CDIN1: variants seen among roughly 807,000 people sequenced by gnomAD.
CDIN1 encodes CDAN1 interacting nuclease 1.
In CDIN1, 33 loss-of-function variants were observed where a neutral mutation model predicts 45.3. That is an observed-to-expected ratio of 0.73 (90% confidence interval 0.55 to 0.97). CDIN1 has a LOEUF of 0.97. Among genes scored for constraint, CDIN1 ranks in the 50% least tolerant of loss-of-function variants. The pLI is 0.00. For synonymous variants in CDIN1, 118 were observed against 124.4 expected (o/e 0.95, Z 0.34); for missense variants, 303 against 339.4 (o/e 0.89, Z 0.84).
chr15:36,800,909 G>GTGTATATATA lies in CDIN1; in HGVS notation c.717-7414_717-7413insGTATATATAT, dbSNP rs1156514805. ...TGTGTGTGTGTGTGTGTGTGTGTGT[G>GTGTATATATA]TATATATATATATATATATATATAT... On this transcript the variant is annotated intron_variant, in intron 10 of 10. Coordinates refer to ENST00000566621, the MANE Select transcript of CDIN1 (RefSeq NM_001321759.2). Among the ~76,000 whole-genome samples, 122 of 22,358 alleles carry GTGTATATATA rather than the reference G, an allele frequency of 5.5e-3. 1 individual carries two copies. The highest frequency in any genetic ancestry group is 0.013 in the South Asian group (3 of 234). 14.7% of individuals were successfully genotyped at this position (22,358 alleles called of 152,430 possible).
Position 36,657,925 on chromosome 15 carries a change from T to C in CDIN1, c.346+20T>C. The stretch of plus-strand genomic sequence containing the variant: ...CTCCACGTGAGTTACCCTTTTTTCC[T>C]AATGGTACTCTTTTACTCCCTTCCC... On this transcript the variant is annotated intron_variant, in intron 5 of 10. Coordinates refer to ENST00000566621, the MANE Select transcript of CDIN1 (RefSeq NM_001321759.2). 1 of 1,587,012 alleles carries C rather than the reference T, an allele frequency of 6.3e-7. No individual in the cohort carries two copies. Among genetic ancestry groups the C allele is most frequent in the South Asian group, 1.1e-5 (1 of 88,518 alleles).
At chr15:36,803,035 A>G (rs941342700) in intron 10 of CDIN1, among the ~76,000 whole-genome samples, 1 of 151,864 alleles carries the variant, frequency 6.6e-6, no homozygotes, top group Non-Finnish European at 1.5e-5. Context: ...GCTAGCCCCA[A>G]CACCAAACAG....
chr15:36,681,706 G>A (rs1025738911), intron 5 of CDIN1, among the ~76,000 whole-genome samples: 1 of 152,172 alleles, frequency 6.6e-6, no homozygotes, highest in African/African-American at 2.4e-5. Flanking sequence ...ACATTAGAGT[G>A]CTTATAAGTA....
intron 1 of CDIN1, among the ~76,000 whole-genome samples, chr15:36,632,082 G>C (rs2039702272): frequency 6.6e-6 from 1 of 152,116 alleles, no homozygotes; most frequent in South Asian, 2.1e-4. Flanking sequence ...TGATTCTCCT[G>C]CCTCAGCCTC....
At chr15:36,787,989 T>C (rs747555074) in intron 10 of CDIN1, among the ~76,000 whole-genome samples, 2 of 148,978 alleles carry the variant, frequency 1.3e-5, no homozygotes, top group Non-Finnish European at 1.5e-5. Flanking sequence ...AATTGTGAAA[T>C]TGAACTAAGA....
At chr15:36,729,268 C>T (rs950286632) in intron 10 of CDIN1, among the ~76,000 whole-genome samples, 3 of 151,854 alleles carry the variant, frequency 2.0e-5, no homozygotes, top group Non-Finnish European at 4.4e-5. Flanking sequence ...TTCTTGGTTT[C>T]GAGACTCTCC....
intron 1 of CDIN1, among the ~76,000 whole-genome samples, chr15:36,631,046 G>C (rs2039658303): frequency 6.6e-6 from 1 of 152,178 alleles, no homozygotes; most frequent in Non-Finnish European, 1.5e-5. Flanking sequence ...AACTATAGCG[G>C]ATGCCTACCA....
chr15:36,741,119 G>A (rs2044222416), intron 10 of CDIN1, among the ~76,000 whole-genome samples: 1 of 152,068 alleles, frequency 6.6e-6, no homozygotes, highest in African/African-American at 2.4e-5. Context: ...AGAATTTACT[G>A]TGATGGCCTG....
At chr15:36,684,138 T>A (rs1021178577) in intron 5 of CDIN1, among the ~76,000 whole-genome samples, 62 of 151,352 alleles carry the variant, frequency 4.1e-4, no homozygotes, top group Admixed American at 3.6e-3. Context: ...AGAGAGGGCA[T>A]CCCTGTCTTG....
chr15:36,672,644 A>G (rs2140548088), intron 5 of CDIN1, among the ~76,000 whole-genome samples: 1 of 152,146 alleles, frequency 6.6e-6, no homozygotes, highest in African/African-American at 2.4e-5. Flanking sequence ...AAATTCAATT[A>G]AGCAAGGAAG....
At chr15:36,680,752 C>T (rs991677887) in intron 5 of CDIN1, among the ~76,000 whole-genome samples, 1 of 152,094 alleles carries the variant, frequency 6.6e-6, no homozygotes, top group African/African-American at 2.4e-5. Context: ...AGGAAGCTTG[C>T]TTGGTGGATG....
In CDIN1 at chr15:36,790,796, T is replaced by C. The variant is rs2054624838; in HGVS notation, c.717-17528T>C. ...ATAAAGCATGAAAAGCAGTTAACTT[T>C]AACTTTTCTCTGAGTGTGCCAGTCA... On this transcript the variant is annotated intron_variant, in intron 10 of 10. Coordinates refer to ENST00000566621, the MANE Select transcript of CDIN1 (RefSeq NM_001321759.2). Among the ~76,000 whole-genome samples the C allele has an allele frequency of 2.0e-5, 3 of 152,208 alleles. No individual in the cohort carries two copies. The South Asian group carries it at 6.2e-4, about 32-fold the overall frequency.
chr15:36,674,218 A>T (rs941034450), intron 5 of CDIN1, among the ~76,000 whole-genome samples: 1 of 152,110 alleles, frequency 6.6e-6, no homozygotes, highest in Admixed American at 6.6e-5. Flanking sequence ...CTCTGCTGCA[A>T]ATGGCATTAC....
At position 36,620,095 on chromosome 15, in the gene CDIN1, T is replaced by C. The variant is rs2039100602; in HGVS notation, c.102-24183T>C. Among the ~76,000 whole-genome samples the C allele has an allele frequency of 5.3e-5, 8 of 152,154 alleles. No individual in the cohort carries two copies. The South Asian group carries it at 1.7e-3, about 32-fold the overall frequency. On this transcript the variant is annotated intron_variant, in intron 1 of 10. Transcript: ENST00000566621. The stretch of plus-strand genomic sequence containing the variant: ...GGCCGGGTGCGGTGGCTCTCGCCTG[T>C]AATCCCAGCACTTTGGGAGGCCGAG...
At chr15:36,689,375 A>G (rs1595474499) in intron 5 of CDIN1, among the ~76,000 whole-genome samples, 2 of 152,118 alleles carry the variant, frequency 1.3e-5, no homozygotes, top group East Asian at 3.8e-4. Context: ...TGTAATTTTT[A>G]TAGGATAGCG....
rs1031365162 is a variant in CDIN1 at position 36,686,913 on chromosome 15, GGGAA to G, written c.347-4762_347-4759del. ...TGGGAGAGAGAGAGGGAGGGAGAGA[GGGAA>G]GGAAGGAAGAAAAGGAAGGAAGGAA... On this transcript the variant is annotated intron_variant, in intron 5 of 10. Coordinates refer to ENST00000566621, the MANE Select transcript of CDIN1 (RefSeq NM_001321759.2). Among the ~76,000 whole-genome samples the G allele has an allele frequency of 5.7e-5, 8 of 141,490 alleles. No homozygotes were observed. The Admixed American group carries it at 5.7e-4, about 10-fold the overall frequency. The allele number at this position is 141,490 out of a possible 152,430, so 92.8% of individuals were successfully genotyped here. A position where few individuals can be genotyped will look rare whatever the true frequency, so the allele number is the denominator to read the frequency against.
intron 2 of CDIN1, among the ~76,000 whole-genome samples, chr15:36,644,850 G>A (rs2040247259): frequency 6.6e-6 from 1 of 152,216 alleles, no homozygotes; most frequent in African/African-American, 2.4e-5. Flanking sequence ...AAACTAGAGT[G>A]CAGAGGACTT....
At chr15:36,686,091 C>G (rs1317776678) in intron 5 of CDIN1, among the ~76,000 whole-genome samples, 1 of 151,944 alleles carries the variant, frequency 6.6e-6, no homozygotes. Flanking sequence ...AATCATGCTG[C>G]TATAAAGACA....
chr15:36,703,126 G>A (rs992510430), intron 8 of CDIN1, among the ~76,000 whole-genome samples: 4 of 148,050 alleles, frequency 2.7e-5, no homozygotes, highest in African/African-American at 1.0e-4. Flanking sequence ...GCTGAGATGG[G>A]AGAATTGCTT....
Sources: allele counts gnomAD v4.1 joint callset (sites outside exome capture counted in the v4.1 genomes callset), GRCh38; gene constraint gnomAD v4.1.1; transcripts MANE v1.5; gene names NCBI Gene and HGNC (gene_info 2026-07-23, HGNC 2026-07-21).